CFAP96: variants seen among roughly 807,000 people sequenced by gnomAD.
CFAP96 encodes the protein cilia-and flagella-associated protein 96.
At chr4:185,415,603 TAAAC>T in the CFAP96 span, 2 of 1,069,478 alleles carry the variant, frequency 1.9e-6, no homozygotes, top group Admixed American at 2.6e-5. Flanking sequence ...AGGTTAATAA[TAAAC>T]AAGGAGAAAA....
the CFAP96 span, chr4:185,413,870 C>T: frequency 1.3e-6 from 2 of 1,590,274 alleles, no homozygotes; most frequent in Non-Finnish European, 1.7e-6. Context: ...GATCATGTAA[C>T]TCCTAAAATA....
the CFAP96 span, among the ~76,000 whole-genome samples, chr4:185,438,167 G>T: frequency 3.3e-5 from 5 of 151,936 alleles, no homozygotes; most frequent in East Asian, 9.6e-4. Context: ...TATTTCTTCA[G>T]ATATTTTTAT....
the CFAP96 span, among the ~76,000 whole-genome samples, chr4:185,411,281 A>T: frequency 6.6e-6 from 1 of 152,166 alleles, no homozygotes; most frequent in Non-Finnish European, 1.5e-5. Flanking sequence ...AAATCTTCTC[A>T]CAAAGAAAAT....
the CFAP96 span, among the ~76,000 whole-genome samples, chr4:185,447,381 T>A: frequency 6.6e-6 from 1 of 151,834 alleles, no homozygotes; most frequent in Non-Finnish European, 1.5e-5. Context: ...GGGGTTTCAC[T>A]GTGTTAGCCA....
chr4:185,437,157 T>C, the CFAP96 span, among the ~76,000 whole-genome samples: 106 of 152,278 alleles, frequency 7.0e-4, no homozygotes, highest in Admixed American at 1.6e-3. Context: ...AGAGAATGGA[T>C]GAATCCTGTG....
At chr4:185,443,343 T>TATATATATATATATATATATGTA in the CFAP96 span, among the ~76,000 whole-genome samples, 1 of 19,224 alleles carries the variant, frequency 5.2e-5, no homozygotes, top group Non-Finnish European at 9.8e-5. Flanking sequence ...TATATATATA[T>TATATATATATATATATATATGTA]TTTTTTTTTT....
the CFAP96 span, among the ~76,000 whole-genome samples, chr4:185,432,455 C>T: frequency 9.6e-4 from 146 of 152,162 alleles, no homozygotes; most frequent in Non-Finnish European, 1.6e-3. Context: ...ATAAAAACAA[C>T]CTAAATAATA....
the CFAP96 span, among the ~76,000 whole-genome samples, chr4:185,408,866 G>A: frequency 2.6e-5 from 4 of 152,080 alleles, no homozygotes; most frequent in South Asian, 8.3e-4. Flanking sequence ...GTCTACAAAC[G>A]GCCCACTCAT....
chr4:185,427,181 G>A, the CFAP96 span, among the ~76,000 whole-genome samples: 3 of 152,230 alleles, frequency 2.0e-5, no homozygotes, highest in East Asian at 5.8e-4. Context: ...CAGATGCGGG[G>A]ATACCGTGAG....
the CFAP96 span, among the ~76,000 whole-genome samples, chr4:185,439,769 GTATC>G: frequency 3.5e-5 from 5 of 143,074 alleles, no homozygotes; most frequent in South Asian, 6.7e-4. Flanking sequence ...ATACATATAT[GTATC>G]TATATCTCAT....
chr4:185,409,780 T>C, the CFAP96 span, among the ~76,000 whole-genome samples: 1 of 152,172 alleles, frequency 6.6e-6, no homozygotes, highest in Non-Finnish European at 1.5e-5. Flanking sequence ...TGGATCCTAG[T>C]GTGCCCTAAA....
the CFAP96 span, among the ~76,000 whole-genome samples, chr4:185,426,865 T>C: frequency 2.2e-5 from 2 of 89,408 alleles, no homozygotes; most frequent in South Asian, 3.6e-4. Flanking sequence ...AACCCCTGTC[T>C]CTACTAAAAA....
chr4:185,430,569 A>G, the CFAP96 span, among the ~76,000 whole-genome samples: 1 of 152,182 alleles, frequency 6.6e-6, no homozygotes, highest in African/African-American at 2.4e-5. Context: ...AAATGTTTAT[A>G]CTTTTGAATT....
At chr4:185,425,734 C>A in the CFAP96 span, 1 of 1,364,370 alleles carries the variant, frequency 7.3e-7, no homozygotes, top group South Asian at 1.3e-5. Context: ...AGCCGCCCTG[C>A]CCACGCAGCT....
chr4:185,428,109 T>G, the CFAP96 span, among the ~76,000 whole-genome samples: 993 of 151,620 alleles, frequency 6.5e-3, 12 homozygotes, highest in African/African-American at 0.023. Flanking sequence ...AAAATGGTTC[T>G]TACTTTGGAT....
chr4:185,436,878 C>T, the CFAP96 span, among the ~76,000 whole-genome samples: 1 of 152,178 alleles, frequency 6.6e-6, no homozygotes, highest in African/African-American at 2.4e-5. Flanking sequence ...CTCTCAGCTC[C>T]TTCCAGGATG....
the CFAP96 span, among the ~76,000 whole-genome samples, chr4:185,410,262 C>T: frequency 6.6e-6 from 1 of 151,996 alleles, no homozygotes; most frequent in Admixed American, 6.6e-5. Context: ...TATAAAAATA[C>T]TTAGAAGTGA....
At chr4:185,438,352 T>C in the CFAP96 span, among the ~76,000 whole-genome samples, 2 of 152,216 alleles carry the variant, frequency 1.3e-5, no homozygotes, top group African/African-American at 2.4e-5. Context: ...TCTATTTTTC[T>C]GTAATGTCCA....
At chr4:185,415,335 G>A in the CFAP96 span, 1 of 1,583,738 alleles carries the variant, frequency 6.3e-7, no homozygotes, top group African/African-American at 1.4e-5. Context: ...CATCAACCAG[G>A]AGTTTACGAA....
Sources: allele counts gnomAD v4.1 joint callset (sites outside exome capture counted in the v4.1 genomes callset), GRCh38; gene constraint gnomAD v4.1.1; transcripts MANE v1.5; gene names NCBI Gene and HGNC (gene_info 2026-07-23, HGNC 2026-07-21).